The following COL23A1 variants were observed in gnomAD, a reference collection of about 807,000 sequenced individuals.
The protein encoded by COL23A1 is collagen type XXIII alpha 1 chain.
Under a neutral mutation model 99.3 loss-of-function variants are expected in COL23A1, and 97 were observed. The ratio of observed to expected loss-of-function variants is 0.98; its 90% CI spans 0.83 to 1.16. The LOEUF (loss-of-function observed/expected upper bound fraction) is 1.16. Ranked by LOEUF, COL23A1 falls within the 50% of genes most tolerant of loss-of-function variation. The pLI is 0.00. For missense variants in COL23A1, 762 were observed against 757.4 expected (o/e 1.01, Z -0.07); for synonymous variants, 320 against 308.2 (o/e 1.04, Z -0.40).
In COL23A1 at chr5:178,248,236, C is replaced by T. The variant is rs766966552; in HGVS notation, c.1168G>A (p.Gly390Arg). 5 of 1,612,692 alleles carry T rather than the reference C, an allele frequency of 3.1e-6. No individual in the cohort carries two copies. The highest frequency in any genetic ancestry group is 2.7e-5 in the African/African-American group (2 of 75,030). ...SGLPGADGLK[G>R]EKGESASDSL... ...TCAGACGCCGACTCCCCCTTCTCCC[C>T]CTTGAGGCCGTCAGCGCCCTGCAGG... is the stretch of plus-strand genomic sequence containing the variant. The change falls in exon 20 of 29, where the codon GGG (glycine) becomes AGG (arginine). Residue 390 changes from glycine to arginine, a missense_variant. Coordinates refer to ENST00000390654, the MANE Select transcript of COL23A1 (RefSeq NM_173465.4).
At chr5:178,488,200 C>G (rs1303797577) in intron 2 of COL23A1, among the ~76,000 whole-genome samples, 2 of 152,182 alleles carry the variant, frequency 1.3e-5, no homozygotes, top group African/African-American at 4.8e-5. Context: ...ATCTGGTGCA[C>G]TCAGGCCTCT....
At chr5:178,364,995 T>A (rs1047060160) in intron 2 of COL23A1, among the ~76,000 whole-genome samples, 1 of 151,580 alleles carries the variant, frequency 6.6e-6, no homozygotes, top group Non-Finnish European at 1.5e-5. Flanking sequence ...ACAGCCTGAA[T>A]TTATTAAGCA....
Position 178,357,885 on chromosome 5 carries a change from G to A in COL23A1, c.362-50966C>T, listed in dbSNP as rs914897107. On this transcript the variant is annotated intron_variant, in intron 2 of 28. Coordinates refer to ENST00000390654, the MANE Select transcript of COL23A1 (RefSeq NM_173465.4). ...TATGTATATGTGTGTGCATGTGTACGTGTGTGTGTATGTGTGTCTAATGTG... is the reference window on the plus strand; with the variant it reads ...TATGTATATGTGTGTGCATGTGTACATGTGTGTGTATGTGTGTCTAATGTG... Among the ~76,000 whole-genome samples, 8 of 103,656 alleles carry A rather than the reference G, an allele frequency of 7.7e-5. No individual in the cohort carries two copies. In the Middle Eastern group the frequency reaches 0.032, roughly 421 times the overall value. 68.0% of individuals were successfully genotyped at this position (103,656 alleles called of 152,430 possible).
rs1354316647 is a variant in COL23A1 at position 178,306,119 on chromosome 5, C to T, written c.406+756G>A. Among the ~76,000 whole-genome samples the T allele has an allele frequency of 2.0e-5, 3 of 151,902 alleles. No individual in the cohort carries two copies. Among genetic ancestry groups the T allele is most frequent in the East Asian group, 1.9e-4 (1 of 5,164 alleles). ...ATTCATTCACGGGGCAGGTGGGTCC[C>T]GTGAGAATGGCAAAGGAGCCCGGGT... On this transcript the variant is annotated intron_variant, in intron 3 of 28. Transcript: ENST00000390654. The surrounding 1 kb of genome is among the most constrained non-coding windows in gnomAD (Gnocchi z 4.1).
intron 2 of COL23A1, among the ~76,000 whole-genome samples, chr5:178,500,109 T>C (rs748258113): frequency 6.6e-6 from 1 of 152,086 alleles, no homozygotes; most frequent in Non-Finnish European, 1.5e-5. Context: ...GAGGCAGAGC[T>C]TACTCTGTGG....
At chr5:178,550,491 T>C (rs1247634496) in intron 2 of COL23A1, among the ~76,000 whole-genome samples, 4 of 152,202 alleles carry the variant, frequency 2.6e-5, no homozygotes, top group East Asian at 1.9e-4. Flanking sequence ...ACAGTCCCAG[T>C]TGAGAAGCAC....
intron 2 of COL23A1, among the ~76,000 whole-genome samples, chr5:178,467,627 CTG>C (rs1377020854): frequency 1.3e-5 from 2 of 152,206 alleles, no homozygotes; most frequent in Non-Finnish European, 2.9e-5. Flanking sequence ...AAGCTTGCAG[CTG>C]TGTGTTGCCA....
rs1000409993 is a variant in COL23A1, at chr5:178,309,771, G to T, written c.362-2852C>A. Among the ~76,000 whole-genome samples the T allele has an allele frequency of 2.6e-5, 4 of 151,008 alleles. No individual in the cohort carries two copies. Among genetic ancestry groups the T allele is most frequent in the African/African-American group, 9.8e-5 (4 of 40,884 alleles). ...CCTTCCTTCTCAGCATCAGGCGAAC[G>T]CTGCCCCTGCACTCAGTCCCCCACT... On this transcript the variant is annotated intron_variant, in intron 2 of 28. Coordinates refer to ENST00000390654, the MANE Select transcript of COL23A1 (RefSeq NM_173465.4). This position sits in a 1 kb window ranked among gnomAD's most constrained non-coding sequence, Gnocchi z 4.7.
At position 178,434,799 on chromosome 5, in the gene COL23A1, A is replaced by G. The variant is rs1766463012; in HGVS notation, c.361+125883T>C. ...TGGGGTATCATTTTCTTAGGGCCCC[A>G]GTGCTAGAGCTTAATGGAGATGGGA... On this transcript the variant is annotated intron_variant, in intron 2 of 28. Coordinates refer to ENST00000390654, the MANE Select transcript of COL23A1 (RefSeq NM_173465.4). This position sits in a 1 kb window ranked among gnomAD's most constrained non-coding sequence, Gnocchi z 4.3. 6.6e-6 allele frequency among the ~76,000 whole-genome samples: 1 copy of G among 152,210 alleles called. No homozygotes were observed. The highest frequency in any genetic ancestry group is 1.5e-5 in the Non-Finnish European group (1 of 68,032).
intron 17 of COL23A1, among the ~76,000 whole-genome samples, chr5:178,251,925 T>TTTTTTTA (rs1554125608): frequency 9.1e-5 from 13 of 142,786 alleles, no homozygotes; most frequent in Admixed American, 1.4e-4. Context: ...TTTTTTTTTT[T>TTTTTTTA]ATTTTGAGAC....
At chr5:178,278,033 C>T (rs1756689985) in intron 5 of COL23A1, among the ~76,000 whole-genome samples, 1 of 152,210 alleles carries the variant, frequency 6.6e-6, no homozygotes, top group Admixed American at 6.5e-5. Context: ...ACCATCAGCT[C>T]ATTTTGGTGC....
chr5:178,297,615 T>C (rs1270333364), intron 3 of COL23A1, among the ~76,000 whole-genome samples: 1 of 152,232 alleles, frequency 6.6e-6, no homozygotes, highest in African/African-American at 2.4e-5. Flanking sequence ...TTTCCTTCCA[T>C]GCACTGTTGC....
chr5:178,410,778 C>A (rs552950065), intron 2 of COL23A1, among the ~76,000 whole-genome samples: 4 of 152,208 alleles, frequency 2.6e-5, no homozygotes, highest in Non-Finnish European at 5.9e-5. Flanking sequence ...AAATGCAGTA[C>A]AATTTCATCA....
Position 178,306,592 on chromosome 5 carries a change from C to A in COL23A1, c.406+283G>T, listed in dbSNP as rs1214046849. Among the ~76,000 whole-genome samples, 2 of 129,092 alleles carry A rather than the reference C, an allele frequency of 1.5e-5. No homozygotes were observed. Among genetic ancestry groups the A allele is most frequent in the African/African-American group, 6.0e-5 (2 of 33,248 alleles). 84.7% of individuals were successfully genotyped at this position (129,092 alleles called of 152,430 possible). ...CACCTTCTGCCTCAGAGAGAGGGGG[C>A]TGCTCTGGAGTGGGGGACTAGGGGC... On this transcript the variant is annotated intron_variant, in intron 3 of 28. Coordinates refer to ENST00000390654, the MANE Select transcript of COL23A1 (RefSeq NM_173465.4). The surrounding 1 kb of genome is among the most constrained non-coding windows in gnomAD (Gnocchi z 4.1).
chr5:178,291,560 G>A (rs1581091376), intron 3 of COL23A1, among the ~76,000 whole-genome samples: 1 of 152,190 alleles, frequency 6.6e-6, no homozygotes, highest in Non-Finnish European at 1.5e-5. Context: ...CTGCAGCAGC[G>A]GGAGGGCCGG....
intron 3 of COL23A1, 133 bp from the exon 4 acceptor site, chr5:178,290,502 A>C: frequency 8.4e-7 from 1 of 1,190,654 alleles, no homozygotes; most frequent in Admixed American, 1.8e-5. Context: ...TGATGCTGCC[A>C]TGGCTGTTTC....
intron 2 of COL23A1, among the ~76,000 whole-genome samples, chr5:178,362,186 T>C (rs988297656): frequency 1.3e-5 from 2 of 152,198 alleles, no homozygotes; most frequent in African/African-American, 2.4e-5. Flanking sequence ...CGGCTCCTCC[T>C]GTCCCTGCCT....
At chr5:178,400,650 C>CTTT (rs70995002) in intron 2 of COL23A1, among the ~76,000 whole-genome samples, 1 of 147,868 alleles carries the variant, frequency 6.8e-6, no homozygotes, top group Admixed American at 6.7e-5. Context: ...ATCTCCAGAA[C>CTTT]TTTTTTTTTT....
Position 178,280,897 on chromosome 5 carries a change from C to A in COL23A1, c.441+7427G>T, listed in dbSNP as rs928318121. ...GGGAGCCGAGGGCGGAGCAGCAGCT[C>A]GGGCCCCACTGACCTGGGGTGGCCG... On this transcript the variant is annotated intron_variant, in intron 5 of 28. Transcript: ENST00000390654. The surrounding 1 kb of genome is among the most constrained non-coding windows in gnomAD (Gnocchi z 4.9). Among the ~76,000 whole-genome samples the A allele has an allele frequency of 6.6e-6, 1 of 152,174 alleles. No homozygotes were observed. Among genetic ancestry groups the A allele is most frequent in the Non-Finnish European group, 1.5e-5 (1 of 68,038 alleles).
Sources: allele counts gnomAD v4.1 joint callset (sites outside exome capture counted in the v4.1 genomes callset), GRCh38; gene constraint gnomAD v4.1.1; non-coding constraint Gnocchi (gnomAD v3.1); transcripts MANE v1.5; gene names NCBI Gene and HGNC (gene_info 2026-07-23, HGNC 2026-07-21).